Variants in APOL6 observed in about 807,000 individuals in gnomAD.
The protein encoded by APOL6 is apolipoprotein L6, also known as apolipoprotein L, 6.
Under a neutral mutation model 2.4 loss-of-function variants are expected in APOL6, and 1 was observed. That is an observed-to-expected ratio of 0.41 (90% CI 0.15 to 1.94). The LOEUF (loss-of-function observed/expected upper bound fraction) is 1.94, where lower values mean the gene tolerates loss of function less well. Among genes scored for constraint, APOL6 ranks in the 30% most tolerant of loss-of-function variants. The probability of loss-of-function intolerance (pLI) is 0.30; values close to 1 mark genes in which losing one functional copy is unlikely to be tolerated. For missense variants in APOL6, 438 were observed against 429.2 expected (o/e 1.02, Z -0.18); for synonymous variants, 189 against 169.3 (o/e 1.12, Z -0.90).
chr22:35,657,598 C>G (rs553285841), intron 2 of APOL6, among the ~76,000 whole-genome samples: 5 of 152,324 alleles, frequency 3.3e-5, no homozygotes, highest in South Asian at 2.1e-4. Flanking sequence ...CCCAATGCTC[C>G]ATCTTTACCT....
Position 35,660,310 on chromosome 22 carries a change from C to T in APOL6, c.*714C>T, listed in dbSNP as rs1352945156. ...AGGGCCTCCCCACCCCTGCTGCACA[C>T]CTACACTGAAGGAAGGCTATTTGCA... On this transcript the variant is annotated 3_prime_UTR_variant, in exon 3 of 3. Coordinates refer to ENST00000409652, the MANE Select transcript of APOL6 (RefSeq NM_030641.4). 1.3e-5 allele frequency: 2 copies of T among 152,348 alleles called. No homozygotes were observed. The highest frequency in any genetic ancestry group is 2.9e-5 in the Non-Finnish European group (2 of 68,170). The allele number at this position is 152,348 out of a possible 1,614,324, so 9.4% of individuals were successfully genotyped here. A position where few individuals can be genotyped will look rare whatever the true frequency, so the allele number is the denominator to read the frequency against.
chr22:35,653,632 G>A (rs1049786447), intron 1 of APOL6, among the ~76,000 whole-genome samples: 4 of 152,162 alleles, frequency 2.6e-5, no homozygotes, highest in East Asian at 1.9e-4. Context: ...GCAAGAGGGC[G>A]TGTGCGAGAG....
intron 1 of APOL6, among the ~76,000 whole-genome samples, chr22:35,649,087 T>A (rs556984287): frequency 6.6e-6 from 1 of 152,256 alleles, no homozygotes; most frequent in East Asian, 1.9e-4. Context: ...TTTTCTAGAT[T>A]GTAGATTTAT....
rs1361077364 is a variant in APOL6, at chr22:35,662,380, G to A, written c.*2784G>A. ...AATCACTAAGGAAAACTCAAGCTTA[G>A]GGAAACTTCTTAGGGCAAACCCACC... is the stretch of plus-strand genomic sequence containing the variant. On this transcript the variant is annotated 3_prime_UTR_variant, in exon 3 of 3. Coordinates refer to ENST00000409652, the MANE Select transcript of APOL6 (RefSeq NM_030641.4). The A allele has an allele frequency of 6.6e-6, 1 of 152,166 alleles. No homozygotes were observed. Among genetic ancestry groups the A allele is most frequent in the African/African-American group, 2.4e-5 (1 of 41,520 alleles). The allele number at this position is 152,166 out of a possible 1,614,324, so 9.4% of individuals were successfully genotyped here.
intron 1 of APOL6, among the ~76,000 whole-genome samples, chr22:35,650,732 C>A (rs1236748462): frequency 6.6e-6 from 1 of 152,026 alleles, no homozygotes; most frequent in Non-Finnish European, 1.5e-5. Flanking sequence ...GAGTTCAAGA[C>A]CAGCCTGGCC....
At chr22:35,649,891 T>C (rs1350332190) in intron 1 of APOL6, among the ~76,000 whole-genome samples, 1 of 152,200 alleles carries the variant, frequency 6.6e-6, no homozygotes, top group African/African-American at 2.4e-5. Flanking sequence ...GCAGCATCCC[T>C]GGCCTCTGCC....
intron 1 of APOL6, among the ~76,000 whole-genome samples, chr22:35,655,268 C>G (rs1017047919): frequency 6.6e-6 from 1 of 152,252 alleles, no homozygotes; most frequent in Non-Finnish European, 1.5e-5. Context: ...AGGATCCTAG[C>G]TGAGAACTTA....
At position 35,663,858 on chromosome 22, in the gene APOL6, G is replaced by A. The variant is rs954970955; in HGVS notation, c.*4262G>A. 3 of 151,974 alleles carry A rather than the reference G, an allele frequency of 2.0e-5. No homozygotes were observed. The highest frequency in any genetic ancestry group is 7.3e-5 in the African/African-American group (3 of 41,364). 9.4% of individuals were successfully genotyped at this position (151,974 alleles called of 1,614,324 possible). A position where few individuals can be genotyped will look rare whatever the true frequency, so the allele number is the denominator to read the frequency against. ...TCTAAGATAGGAAAAAAAAGTGGGG[G>A]GGCATTATAAATCTATAAAATGTAC... is the stretch of plus-strand genomic sequence containing the variant. On this transcript the variant is annotated 3_prime_UTR_variant, in exon 3 of 3. Coordinates refer to ENST00000409652, the MANE Select transcript of APOL6 (RefSeq NM_030641.4).
At chr22:35,656,340 A>G in intron 1 of APOL6, 39 bp from the exon 2 acceptor site, 1 of 1,483,222 alleles carries the variant, frequency 6.7e-7, no homozygotes, top group Non-Finnish European at 9.4e-7. Flanking sequence ...AGGTTTCATC[A>G]TATGTGCAGT....
chr22:35,657,731 A>G (rs1258737873), intron 2 of APOL6, among the ~76,000 whole-genome samples: 1 of 152,176 alleles, frequency 6.6e-6, no homozygotes, highest in Non-Finnish European at 1.5e-5. Context: ...TCTTTGGGCC[A>G]GGGCATCTGT....
In APOL6 at chr22:35,661,939, A is replaced by G. The variant is rs1471026332; in HGVS notation, c.*2343A>G. The G allele has an allele frequency of 6.6e-6, 1 of 152,230 alleles. No homozygotes were observed. Among genetic ancestry groups the G allele is most frequent in the African/African-American group, 2.4e-5 (1 of 41,462 alleles). 9.4% of individuals were successfully genotyped at this position (152,230 alleles called of 1,614,324 possible). On this transcript the variant is annotated 3_prime_UTR_variant, in exon 3 of 3. Coordinates refer to ENST00000409652, the MANE Select transcript of APOL6 (RefSeq NM_030641.4). ...ATGGTTGTATATGCAGTTGACCGAAACATTGTTATTGGACACATAACTATA... is the reference window on the plus strand; with the variant it reads ...ATGGTTGTATATGCAGTTGACCGAAGCATTGTTATTGGACACATAACTATA...
chr22:35,648,932 G>A lies in APOL6; in HGVS notation c.-48+309G>A, dbSNP rs371965610. The stretch of plus-strand genomic sequence containing the variant: ...GGGGATCCGAGGGCTTAGGCAGAGG[G>A]GACCTGGCCCTTAGAAAGCAGATGA... On this transcript the variant is annotated intron_variant, in intron 1 of 2. Transcript: ENST00000409652. Among the ~76,000 whole-genome samples, 14 of 152,310 alleles carry A rather than the reference G, an allele frequency of 9.2e-5. 1 individual carries two copies. The East Asian group carries it at 9.7e-4, about 11-fold the overall frequency.
At position 35,659,426 on chromosome 22, in the gene APOL6, C is replaced by T; in HGVS notation, c.862C>T (p.Leu288Phe). Reference sequence around the variant, plus strand: ...GAGGAAACTCACAGAACTCACCCAGCTCTACAAGAGCTTGCAGCAGAAAGT... The same window carrying T: ...GAGGAAACTCACAGAACTCACCCAGTTCTACAAGAGCTTGCAGCAGAAAGT... The part of the protein sequence containing the change: ...LERKLTELTQ[L>F]YKSLQQKVRS... The change falls in exon 3 of 3, where the codon CTC (leucine) becomes TTC (phenylalanine). Residue 288 changes from leucine (L) to phenylalanine (F), a missense_variant. Coordinates refer to ENST00000409652, the MANE Select transcript of APOL6 (RefSeq NM_030641.4). 1.2e-6 allele frequency: 2 copies of T among 1,613,864 alleles called. No homozygotes were observed. The highest frequency in any genetic ancestry group is 1.7e-6 in the Non-Finnish European group (2 of 1,179,994).
chr22:35,648,650 A>C (rs1601863274), intron 1 of APOL6, 27 bp downstream of exon 1: 1 of 152,184 alleles, frequency 6.6e-6, no homozygotes, highest in Non-Finnish European at 1.5e-5. Flanking sequence ...AAGTCGGGGG[A>C]GGAGGGGGCT....
Position 35,659,535 on chromosome 22 carries a change from T to C in APOL6, c.971T>C (p.Val324Ala), listed in dbSNP as rs1924959493. 1.9e-6 allele frequency: 3 copies of C among 1,613,884 alleles called. No individual in the cohort carries two copies. The highest frequency in any genetic ancestry group is 2.5e-6 in the Non-Finnish European group (3 of 1,179,998). The change falls in exon 3 of 3, where the codon GTG becomes GCG. Residue 324 changes from valine (V) to alanine (A), a missense_variant. Coordinates refer to ENST00000409652, the MANE Select transcript of APOL6 (RefSeq NM_030641.4). ...EAYWKELREH[V>A]WMWLWLCVCL... is the part of the protein sequence containing the mutation. ...TACTGGAAGGAGTTAAGGGAGCATG[T>C]GTGGATGTGGCTGTGGCTGTGTGTG...
At position 35,659,469 on chromosome 22, in the gene APOL6, G is replaced by C. The variant is rs1367326668; in HGVS notation, c.905G>C (p.Gly302Ala). 6.2e-7 allele frequency: 1 copy of C among 1,614,168 alleles called. No individual in the cohort carries two copies. Among genetic ancestry groups the C allele is most frequent in the Middle Eastern group, 1.6e-4 (1 of 6,062 alleles). The change falls in exon 3 of 3, where the codon GGG becomes GCG. Residue 302 changes from glycine (G) to alanine (A), a missense_variant. Coordinates refer to ENST00000409652, the MANE Select transcript of APOL6 (RefSeq NM_030641.4). ...LQQKVRSRAR[G>A]VGKDLTGTCE... ...CAGAAAGTGAGGTCAAGGGCCAGAGGGGTGGGGAAGGATTTAACTGGGACC... is the reference window on the plus strand; with the variant it reads ...CAGAAAGTGAGGTCAAGGGCCAGAGCGGTGGGGAAGGATTTAACTGGGACC...
chr22:35,658,496 G>A (rs1462864780), intron 2 of APOL6, 119 bp from the exon 3 acceptor site: 1 of 869,386 alleles, frequency 1.2e-6, no homozygotes, highest in Non-Finnish European at 1.7e-6. Context: ...ACTTTTCAGG[G>A]GATTTTGTAG....
rs1295437685 is a variant in APOL6, at chr22:35,667,515, A to C, written c.*7919A>C. 1 of 152,252 alleles carries C rather than the reference A, an allele frequency of 6.6e-6. No homozygotes were observed. The highest frequency in any genetic ancestry group is 2.4e-5 in the African/African-American group (1 of 41,468). The allele number at this position is 152,252 out of a possible 1,614,324, so 9.4% of individuals were successfully genotyped here. A position where few individuals can be genotyped will look rare whatever the true frequency, so the allele number is the denominator to read the frequency against. On this transcript the variant is annotated 3_prime_UTR_variant, in exon 3 of 3. Coordinates refer to ENST00000409652, the MANE Select transcript of APOL6 (RefSeq NM_030641.4). ...AAAAACGTTTTTAGAAAGTCCTTGG[A>C]AACAGTTCTCATTTCAGACATGTAA...
chr22:35,655,848 A>G lies in APOL6; in HGVS notation c.-47-531A>G, dbSNP rs547969795. 1.5e-4 allele frequency among the ~76,000 whole-genome samples: 23 copies of G among 152,248 alleles called. No individual in the cohort carries two copies. In the South Asian group the frequency reaches 4.3e-3, roughly 29 times the overall value. ...GAGGTAGCTTTGAATTCCAGCTTCAATACATCTCCAACAATGAACAGTACA... is the reference window on the plus strand; with the variant it reads ...GAGGTAGCTTTGAATTCCAGCTTCAGTACATCTCCAACAATGAACAGTACA... On this transcript the variant is annotated intron_variant, in intron 1 of 2. Transcript: ENST00000409652.
Sources: allele counts gnomAD v4.1 joint callset (sites outside exome capture counted in the v4.1 genomes callset), GRCh38; gene constraint gnomAD v4.1.1; transcripts MANE v1.5; gene names NCBI Gene and HGNC (gene_info 2026-07-23, HGNC 2026-07-21).